Variants in RNLS observed in about 807,000 individuals in gnomAD.
RNLS encodes renalase, FAD dependent amine oxidase.
A neutral mutation model predicts 39.8 loss-of-function variants in RNLS; 39 were observed. That is an observed-to-expected ratio of 0.98 (90% CI 0.76 to 1.28). The LOEUF (loss-of-function observed/expected upper bound fraction) is 1.28, where lower values mean the gene tolerates loss of function less well. Ranked by LOEUF, RNLS falls within the 50% of genes most tolerant of loss-of-function variation. The probability of loss-of-function intolerance (pLI) is 0.00; values close to 1 mark genes in which losing one functional copy is unlikely to be tolerated. For missense variants in RNLS, 410 were observed against 413.3 expected, an observed-to-expected ratio of 0.99 and a Z score of 0.07; for synonymous variants, 147 against 150.7, an observed-to-expected ratio of 0.98 and a Z score of 0.18.
intron 4 of RNLS, among the ~76,000 whole-genome samples, chr10:88,364,223 G>C (rs1003350869): frequency 2.0e-5 from 3 of 152,056 alleles, no homozygotes; most frequent in African/African-American, 7.2e-5. Context: ...CATTTAATTG[G>C]GGTAAAATAT....
At chr10:88,385,008 A>G (rs933120054) in intron 4 of RNLS, among the ~76,000 whole-genome samples, 3 of 152,218 alleles carry the variant, frequency 2.0e-5, no homozygotes, top group African/African-American at 7.2e-5. Flanking sequence ...ACCCTCCTCT[A>G]TAAAATGTGG....
chr10:88,483,087 T>G (rs562001245), intron 4 of RNLS, among the ~76,000 whole-genome samples: 3 of 152,154 alleles, frequency 2.0e-5, no homozygotes, highest in Non-Finnish European at 4.4e-5. Flanking sequence ...CTGTATAGTT[T>G]AATGGGCAGC....
chr10:88,562,908 C>T (rs1313900035), intron 4 of RNLS, among the ~76,000 whole-genome samples: 2 of 152,052 alleles, frequency 1.3e-5, no homozygotes, highest in African/African-American at 4.8e-5. Context: ...GTATATTGTT[C>T]TCTGGAAACA....
chr10:88,232,278 A>T, the RNLS span, among the ~76,000 whole-genome samples: 1 of 152,008 alleles, frequency 6.6e-6, no homozygotes, highest in Non-Finnish European at 1.5e-5. Flanking sequence ...CCACCCTCCA[A>T]AGAAGGTCTG....
intron 4 of RNLS, among the ~76,000 whole-genome samples, chr10:88,438,607 C>T (rs1841541594): frequency 6.6e-6 from 1 of 152,200 alleles, no homozygotes; most frequent in African/African-American, 2.4e-5. Context: ...CAGATCCTTT[C>T]TTTCCCTCTC....
chr10:88,481,049 T>C (rs2437876), intron 4 of RNLS, among the ~76,000 whole-genome samples: 127,521 of 152,078 alleles, frequency 0.84, 53,846 homozygotes, highest in East Asian at 1. Flanking sequence ...TATTCCTGGT[T>C]TATTGACCCT....
intron 4 of RNLS, among the ~76,000 whole-genome samples, chr10:88,454,354 T>G (rs1265622937): frequency 2.0e-5 from 3 of 152,224 alleles, no homozygotes; most frequent in Admixed American, 1.3e-4. Flanking sequence ...CAATTTTGTA[T>G]GTAGATCCAC....
intron 4 of RNLS, among the ~76,000 whole-genome samples, chr10:88,556,167 T>C (rs1212599383): frequency 6.6e-6 from 1 of 152,168 alleles, no homozygotes; most frequent in Non-Finnish European, 1.5e-5. Flanking sequence ...TTTGCAATTA[T>C]TCAATCCCAA....
At chr10:88,246,400 G>A in the RNLS span, among the ~76,000 whole-genome samples, 2 of 152,152 alleles carry the variant, frequency 1.3e-5, no homozygotes, top group South Asian at 2.1e-4. Flanking sequence ...AGCCTGTGAA[G>A]TGTTGTTTGA....
chr10:88,339,488 T>C (rs998410743), intron 5 of RNLS, among the ~76,000 whole-genome samples: 1 of 152,192 alleles, frequency 6.6e-6, no homozygotes, highest in Non-Finnish European at 1.5e-5. Flanking sequence ...AAGCTCAGGT[T>C]GAAGTCATGG....
intron 4 of RNLS, among the ~76,000 whole-genome samples, chr10:88,453,401 T>C (rs1044105998): frequency 2.0e-5 from 3 of 152,234 alleles, no homozygotes; most frequent in Non-Finnish European, 4.4e-5. Flanking sequence ...GTCCCTTTGC[T>C]TCCCATTTAG....
chr10:88,420,061 AATGAATAAATAAATAAAT>A (rs1854311030), intron 4 of RNLS, among the ~76,000 whole-genome samples: 2 of 39,586 alleles, frequency 5.1e-5, no homozygotes, highest in South Asian at 1.1e-3. Flanking sequence ...TAAATAAATG[AATGAATAAATAAATAAAT>A]AAAATAATAA....
chr10:88,386,268 T>C (rs1851849879), intron 4 of RNLS, among the ~76,000 whole-genome samples: 1 of 152,204 alleles, frequency 6.6e-6, no homozygotes, highest in Admixed American at 6.5e-5. Flanking sequence ...AATCCTTTTT[T>C]TGGATGGGTG....
intron 4 of RNLS, among the ~76,000 whole-genome samples, chr10:88,555,120 G>A (rs1395929123): frequency 1.3e-5 from 2 of 151,532 alleles, no homozygotes; most frequent in African/African-American, 2.4e-5. Context: ...TCATGGAGAG[G>A]GGAGGATTAG....
chr10:88,567,837 T>G (rs1345653453), intron 4 of RNLS, among the ~76,000 whole-genome samples: 1 of 152,230 alleles, frequency 6.6e-6, no homozygotes, highest in African/African-American at 2.4e-5. Flanking sequence ...GTTCTAAATC[T>G]AAGATCTATA....
At chr10:88,205,794 G>A in the RNLS span, among the ~76,000 whole-genome samples, 1 of 152,110 alleles carries the variant, frequency 6.6e-6, no homozygotes, top group South Asian at 2.1e-4. Context: ...CCATCCCTCT[G>A]CTTTGAGAAT....
In RNLS at chr10:88,338,196, T is replaced by C. The variant is rs978294282; in HGVS notation, c.701-23555A>G. On this transcript the variant is annotated intron_variant, in intron 5 of 6. Coordinates refer to ENST00000331772, the MANE Select transcript of RNLS (RefSeq NM_001031709.3). ...TTTCTAGTGTGGAAATTTGTGTCTT[T>C]AGAGAAGAGACTAAAACTAAGAAAC... 2.6e-5 allele frequency among the ~76,000 whole-genome samples: 4 copies of C among 152,238 alleles called. No individual in the cohort carries two copies. The South Asian group carries it at 6.2e-4, about 24-fold the overall frequency.
chr10:88,563,499 CTT>C (rs1849311797), intron 4 of RNLS, among the ~76,000 whole-genome samples: 1 of 152,090 alleles, frequency 6.6e-6, no homozygotes, highest in Non-Finnish European at 1.5e-5. Flanking sequence ...AAAAGATACT[CTT>C]AATATACTGT....
the RNLS span, among the ~76,000 whole-genome samples, chr10:88,205,828 G>T: frequency 6.6e-6 from 1 of 152,148 alleles, no homozygotes; most frequent in South Asian, 2.1e-4. Context: ...TGGAAGAGGA[G>T]ATGAAGGAGA....
Sources: allele counts gnomAD v4.1 joint callset (sites outside exome capture counted in the v4.1 genomes callset), GRCh38; gene constraint gnomAD v4.1.1; transcripts MANE v1.5; gene names NCBI Gene and HGNC (gene_info 2026-07-23, HGNC 2026-07-21).